The following NRXN3 variants were observed in gnomAD, a reference collection of about 807,000 sequenced individuals.
The protein encoded by NRXN3 is neurexin 3.
NRXN3 carries 32 observed loss-of-function variants against 137.6 expected under a neutral mutation model. The ratio of observed to expected loss-of-function variants is 0.23; its 90% confidence interval spans 0.18 to 0.31. The LOEUF is 0.31. Among genes scored for constraint, NRXN3 ranks in the 10% least tolerant of loss-of-function variants. The probability of loss-of-function intolerance (pLI) is 1.00; values close to 1 mark genes in which losing one functional copy is unlikely to be tolerated. For synonymous variants in NRXN3, 798 were observed against 784.5 expected (o/e 1.02, Z -0.29); for missense variants, 1,574 against 2,062.5 (o/e 0.76, Z 4.59).
chr14:79,333,367 A>G (rs1285586201), intron 15 of NRXN3, among the ~76,000 whole-genome samples: 1 of 152,062 alleles, frequency 6.6e-6, no homozygotes, highest in East Asian at 1.9e-4. Flanking sequence ...AATGCCACAA[A>G]TGCTTGTCAT....
At chr14:79,177,195 A>G (rs2062431891) in intron 15 of NRXN3, among the ~76,000 whole-genome samples, 1 of 152,328 alleles carries the variant, frequency 6.6e-6, no homozygotes. Flanking sequence ...ACAATTATTT[A>G]TTATCCTCTA....
chr14:78,594,740 T>C (rs562858169), intron 4 of NRXN3, among the ~76,000 whole-genome samples: 66 of 152,288 alleles, frequency 4.3e-4, no homozygotes, highest in African/African-American at 1.5e-3. Flanking sequence ...GGCTATGCTT[T>C]CTTCTCTTTA....
chr14:79,727,303 A>C (rs2098896335), intron 19 of NRXN3, among the ~76,000 whole-genome samples: 1 of 152,198 alleles, frequency 6.6e-6, no homozygotes, highest in African/African-American at 2.4e-5. Flanking sequence ...TGACTAGCCC[A>C]ATCATGTATG....
intron 16 of NRXN3, among the ~76,000 whole-genome samples, chr14:79,543,345 T>C (rs2097291324): frequency 6.6e-6 from 1 of 152,228 alleles, no homozygotes; most frequent in Non-Finnish European, 1.5e-5. Flanking sequence ...CACAGTGTCT[T>C]CTACCATTGA....
At chr14:78,941,100 A>G (rs865980350) in intron 10 of NRXN3, among the ~76,000 whole-genome samples, 1 of 152,212 alleles carries the variant, frequency 6.6e-6, no homozygotes, top group Non-Finnish European at 1.5e-5. Context: ...AATGCATGTC[A>G]AGTAACTACC....
intron 15 of NRXN3, chr14:79,314,086 T>C: frequency 6.4e-6 from 1 of 156,042 alleles, no homozygotes; most frequent in Non-Finnish European, 1.4e-5. Flanking sequence ...TAGGAACAGC[T>C]CCGGTCTACA....
chr14:78,511,852 T>C (rs578167947), intron 4 of NRXN3, among the ~76,000 whole-genome samples: 2 of 152,230 alleles, frequency 1.3e-5, no homozygotes, highest in African/African-American at 4.8e-5. Flanking sequence ...CCCAGGCAAA[T>C]TGAAGCGCTT....
intron 16 of NRXN3, among the ~76,000 whole-genome samples, chr14:79,560,562 G>C (rs1462399409): frequency 1.6e-5 from 2 of 124,184 alleles, no homozygotes; most frequent in Non-Finnish European, 3.2e-5. Context: ...CCAGGCTGGA[G>C]TGCAATGGCA....
At chr14:78,496,173 G>T (rs2095781077) in intron 4 of NRXN3, among the ~76,000 whole-genome samples, 1 of 152,288 alleles carries the variant, frequency 6.6e-6, no homozygotes, top group South Asian at 2.1e-4. Context: ...ATTGTAGGCA[G>T]AATGCCAGAA....
intron 19 of NRXN3, among the ~76,000 whole-genome samples, chr14:79,782,593 C>T (rs1043506586): frequency 3.3e-5 from 5 of 152,046 alleles, no homozygotes; most frequent in Admixed American, 6.6e-5. Context: ...GTGCATTAAA[C>T]GAACAACACA....
At chr14:78,372,357 C>G (rs1281801905) in intron 4 of NRXN3, among the ~76,000 whole-genome samples, 1 of 149,478 alleles carries the variant, frequency 6.7e-6, no homozygotes, top group African/African-American at 2.5e-5. Context: ...GTTTGTTTGT[C>G]TGATGGAGAC....
intron 15 of NRXN3, among the ~76,000 whole-genome samples, chr14:79,000,491 C>G (rs2099539231): frequency 6.6e-6 from 1 of 152,142 alleles, no homozygotes; most frequent in African/African-American, 2.4e-5. Context: ...TGGCATAAAG[C>G]CCCTTTATTC....
chr14:79,671,457 A>G lies in NRXN3; in HGVS notation c.3616+7508A>G, dbSNP rs74063760. 6.3e-3 allele frequency among the ~76,000 whole-genome samples: 957 copies of G among 152,112 alleles called. 7 individuals are homozygous for G. Among genetic ancestry groups the G allele is most frequent in the African/African-American group, 0.022 (894 of 41,522 alleles). On this transcript the variant is annotated intron_variant, in intron 17 of 20. Coordinates refer to ENST00000335750, the MANE Select transcript of NRXN3 (RefSeq NM_001330195.2). ...TCAGCATTTCCTTGGGCATCTATAC[A>G]TATTTGGCTTTATCTATATCATCGG...
intron 16 of NRXN3, among the ~76,000 whole-genome samples, chr14:79,604,327 T>G (rs530537895): frequency 4.6e-5 from 7 of 152,008 alleles, no homozygotes; most frequent in Admixed American, 4.6e-4. Flanking sequence ...CTCTGCCTCC[T>G]GGGTTCAAGC....
chr14:79,557,662 TA>T (rs1388779108), intron 16 of NRXN3, among the ~76,000 whole-genome samples: 2 of 152,162 alleles, frequency 1.3e-5, no homozygotes, highest in Non-Finnish European at 2.9e-5. Context: ...AAAATAATGC[TA>T]AAAAATTATC....
Position 78,803,614 on chromosome 14 carries a change from T to C in NRXN3, c.2045-6T>C. ...CCTAACGATCTTCTCCATTCTTCTT[T>C]GGCAGAGGCATCCATCCTGAGCTAT... is the stretch of plus-strand genomic sequence containing the variant. On this transcript the variant is annotated splice_region_variant and splice_polypyrimidine_tract_variant and intron_variant, in intron 8 of 20. Transcript: ENST00000335750. The C allele has an allele frequency of 6.2e-7, 1 of 1,613,880 alleles. No individual in the cohort carries two copies. The highest frequency in any genetic ancestry group is 8.5e-7 in the Non-Finnish European group (1 of 1,179,770).
chr14:79,245,187 G>A (rs1478410992), intron 15 of NRXN3, among the ~76,000 whole-genome samples: 1 of 152,142 alleles, frequency 6.6e-6, no homozygotes, highest in East Asian at 1.9e-4. Flanking sequence ...CTTGACCTAA[G>A]CATCTTTCAA....
chr14:78,630,280 TGAA>T (rs2097506779), intron 4 of NRXN3, among the ~76,000 whole-genome samples: 1 of 152,250 alleles, frequency 6.6e-6, no homozygotes, highest in Non-Finnish European at 1.5e-5. Context: ...ATCTTGTTGA[TGAA>T]GAAAATTTTT....
chr14:79,100,636 G>A (rs921723870), intron 15 of NRXN3, among the ~76,000 whole-genome samples: 12 of 152,134 alleles, frequency 7.9e-5, no homozygotes, highest in African/African-American at 2.7e-4. Flanking sequence ...TTCTTGGTCT[G>A]CAGAGCTGCT....
Sources: gnomAD v4.1 joint callset for allele counts (sites outside exome capture counted in the v4.1 genomes callset) on GRCh38, gnomAD v4.1.1 for gene constraint, MANE v1.5 for transcripts, NCBI Gene and HGNC (gene_info 2026-07-23, HGNC 2026-07-21) for gene names.